Variants in DNAAF6 observed in about 807,000 individuals in gnomAD.
DNAAF6 encodes PIH1 domain containing 3.
DNAAF6 carries 3 observed loss-of-function variants against 13.7 expected under a neutral mutation model. The ratio of observed to expected loss-of-function variants is 0.22; its 90% CI spans 0.10 to 0.56. The LOEUF is 0.56. Among genes scored for constraint, DNAAF6 ranks in the 20% least tolerant of loss-of-function variants. DNAAF6 has a pLI of 0.92. For synonymous variants in DNAAF6, 54 were observed against 49.2 expected (o/e 1.10, Z -0.41); for missense variants, 130 against 151.0 (o/e 0.86, Z 0.73).
intron 1 of DNAAF6, 103 bp from the exon 2 acceptor site, chrX:107,212,769 TG>T: frequency 1.1e-6 from 1 of 945,407 alleles, no homozygotes; most frequent in Non-Finnish European, 1.4e-6. Flanking sequence ...TAAGAACCAA[TG>T]GAGTGATCCA....
intron 3 of DNAAF6, among the ~76,000 whole-genome samples, chrX:107,217,034 C>G (rs1165778941): frequency 9.1e-6 from 1 of 110,024 alleles, no homozygotes; most frequent in Non-Finnish European, 1.9e-5. Flanking sequence ...TTTATTTGTT[C>G]ATTAAAAATG....
chrX:107,228,867 C>T (rs1928315256), intron 5 of DNAAF6, among the ~76,000 whole-genome samples: 1 of 110,684 alleles, frequency 9.0e-6, no homozygotes, highest in Non-Finnish European at 1.9e-5. Flanking sequence ...GCAATTCTGT[C>T]ACCTCGGCCT....
At chrX:107,240,829 T>A (rs1011241781) in intron 6 of DNAAF6, among the ~76,000 whole-genome samples, 1 of 111,653 alleles carries the variant, frequency 9.0e-6, no homozygotes, top group African/African-American at 3.2e-5. Context: ...TTCTAAGAAT[T>A]TCATAAATGA....
At chrX:107,237,838 G>T (rs185658122) in intron 5 of DNAAF6, among the ~76,000 whole-genome samples, 1 of 111,790 alleles carries the variant, frequency 8.9e-6, no homozygotes, top group African/African-American at 3.2e-5. Flanking sequence ...AAAATTAGCC[G>T]GGCGTGGTGG....
At chrX:107,230,340 T>C (rs1372905152) in intron 5 of DNAAF6, among the ~76,000 whole-genome samples, 2 of 111,887 alleles carry the variant, frequency 1.8e-5, no homozygotes, top group Non-Finnish European at 3.8e-5. Flanking sequence ...CTGCTTTGAC[T>C]CTTCCTTCCC....
intron 1 of DNAAF6, among the ~76,000 whole-genome samples, chrX:107,208,867 T>C (rs1253543669): frequency 8.9e-6 from 1 of 112,051 alleles, no homozygotes; most frequent in Non-Finnish European, 1.9e-5. Flanking sequence ...TAGTAATCAA[T>C]AACTATTTAA....
In DNAAF6 at chrX:107,222,787, A is replaced by G. The variant is rs770287553; in HGVS notation, c.375A>G (p.Ile125Met). Residue 125 changes from isoleucine to methionine, a missense_variant, in exon 5 of 7, where the codon ATA (isoleucine) becomes ATG (methionine). Coordinates refer to ENST00000372453, the MANE Select transcript of DNAAF6 (RefSeq NM_173494.2). The stretch of plus-strand genomic sequence containing the variant: ...GACAGCAGGTGGGAACTGAAGATAT[A>G]TTTTTAGGGTTGTCAAAAAAGGACT... ...IFRQQVGTEDIFLGLSKKDSS... is the reference protein window; with the variant it reads ...IFRQQVGTEDMFLGLSKKDSS... The G allele has an allele frequency of 4.1e-6, 5 of 1,207,841 alleles. No individual in the cohort carries two copies. The highest frequency in any genetic ancestry group is 5.6e-6 in the Non-Finnish European group (5 of 893,802).
intron 5 of DNAAF6, among the ~76,000 whole-genome samples, chrX:107,229,567 T>G (rs1289476039): frequency 9.0e-6 from 1 of 111,062 alleles, no homozygotes; most frequent in Non-Finnish European, 1.9e-5. Context: ...GCTCTTCCTA[T>G]TCTGCCTTAA....
intron 6 of DNAAF6, among the ~76,000 whole-genome samples, chrX:107,242,454 A>G (rs775968492): frequency 1.8e-5 from 2 of 112,535 alleles, no homozygotes; most frequent in East Asian, 2.8e-4. Flanking sequence ...CGAGGTAACA[A>G]GTGTTTCATG....
intron 4 of DNAAF6, among the ~76,000 whole-genome samples, chrX:107,219,361 C>T (rs888871942): frequency 3.6e-5 from 4 of 111,566 alleles, no homozygotes; most frequent in Non-Finnish European, 5.6e-5. Context: ...CAATGTTCCA[C>T]AATTTCGGTA....
At chrX:107,237,503 C>T (rs1444210580) in intron 5 of DNAAF6, among the ~76,000 whole-genome samples, 1 of 112,348 alleles carries the variant, frequency 8.9e-6, no homozygotes, top group African/African-American at 3.2e-5. Context: ...TAAAAATACA[C>T]ATAGTATAAA....
chrX:107,210,144 G>A (rs1417579871), intron 1 of DNAAF6, among the ~76,000 whole-genome samples: 1 of 111,540 alleles, frequency 9.0e-6, no homozygotes, highest in Middle Eastern at 4.2e-3. Flanking sequence ...TCAGGTTAAT[G>A]TGGGAAAATC....
At chrX:107,220,090 C>T (rs1445203294) in intron 4 of DNAAF6, among the ~76,000 whole-genome samples, 1 of 112,007 alleles carries the variant, frequency 8.9e-6, no homozygotes, top group East Asian at 2.8e-4. Flanking sequence ...TGAGCCACTG[C>T]GCCCAGCCAA....
chrX:107,231,352 G>A (rs911286165), intron 5 of DNAAF6, among the ~76,000 whole-genome samples: 3 of 111,550 alleles, frequency 2.7e-5, no homozygotes, highest in African/African-American at 9.8e-5. Flanking sequence ...GAAGTGTGGG[G>A]TTGGTTAATG....
rs1277943379 is a variant in DNAAF6, at chrX:107,228,330, G to C, written c.429+5489G>C. Among the ~76,000 whole-genome samples, 21 of 111,750 alleles carry C rather than the reference G, an allele frequency of 1.9e-4. No individual in the cohort carries two copies. The Admixed American group carries it at 2.0e-3, about 11-fold the overall frequency. ...AGAAGTGAAGAGGAAGTGAGGAAGA[G>C]AAGCCAGCAAATATAGATTGTTCTT... On this transcript the variant is annotated intron_variant, in intron 5 of 6. Transcript: ENST00000372453.
At chrX:107,242,351 C>A (rs1928640917) in intron 6 of DNAAF6, among the ~76,000 whole-genome samples, 1 of 112,311 alleles carries the variant, frequency 8.9e-6, no homozygotes, top group African/African-American at 3.2e-5. Context: ...CCTAAAAATA[C>A]CATATTCCTT....
rs752698361 is a variant in DNAAF6 at position 107,222,721 on chromosome X, C to A, written c.333-24C>A. The A allele has an allele frequency of 3.1e-5, 37 of 1,189,477 alleles. No homozygotes were observed. In the South Asian group the frequency reaches 6.4e-4, roughly 21 times the overall value. On this transcript the variant is annotated intron_variant, in intron 4 of 6. Transcript: ENST00000372453. ...GGAAATTGCTCTTTCATCTGAGTCC[C>A]TATAATCATTGATTTTTTTTCAGGT... is the stretch of plus-strand genomic sequence containing the variant.
At chrX:107,227,013 G>T (rs1419425171) in intron 5 of DNAAF6, among the ~76,000 whole-genome samples, 5 of 112,085 alleles carry the variant, frequency 4.5e-5, no homozygotes. Context: ...CAAAGTATTT[G>T]CTCATCCTCT....
intron 4 of DNAAF6, 146 bp from the exon 5 acceptor site, chrX:107,222,599 T>C: frequency 1.6e-6 from 1 of 622,144 alleles, no homozygotes; most frequent in Non-Finnish European, 2.3e-6. Context: ...TATGTTCTAT[T>C]ATATGCCTGA....
Sources: gnomAD v4.1 joint callset for allele counts (sites outside exome capture counted in the v4.1 genomes callset) on GRCh38, gnomAD v4.1.1 for gene constraint, MANE v1.5 for transcripts, NCBI Gene and HGNC (gene_info 2026-07-23, HGNC 2026-07-21) for gene names.